Variants in FAM161B observed in about 807,000 individuals in gnomAD.
The protein encoded by FAM161B is FAM161 centrosomal protein B, also known as protein FAM161B.
A neutral mutation model predicts 61.5 loss-of-function variants in FAM161B; 46 were observed. That is an observed-to-expected ratio of 0.75 (90% CI 0.59 to 0.96). The LOEUF is 0.96. Among genes scored for constraint, FAM161B ranks in the 40% least tolerant of loss-of-function variants. The probability of loss-of-function intolerance (pLI) is 0.00; values close to 1 mark genes in which losing one functional copy is unlikely to be tolerated. For synonymous variants in FAM161B, 284 were observed against 302.7 expected (o/e 0.94, Z 0.64); for missense variants, 774 against 800.7 (o/e 0.97, Z 0.40).
At position 73,933,356 on chromosome 14, in the gene FAM161B, C is replaced by G. The variant is rs1173273757; in HGVS notation, c.*900G>C. On this transcript the variant is annotated 3_prime_UTR_variant, in exon 9 of 9. Transcript: ENST00000286544. Reference sequence around the variant, plus strand: ...ACATTCTACAATGTACAGGACAGTTCCCTTCCCCAACCCTCAACAAAGAAT... The same window carrying G: ...ACATTCTACAATGTACAGGACAGTTGCCTTCCCCAACCCTCAACAAAGAAT... 1 of 152,152 alleles carries G rather than the reference C, an allele frequency of 6.6e-6. No individual in the cohort carries two copies. The highest frequency in any genetic ancestry group is 6.6e-5 in the Admixed American group (1 of 15,264). 9.4% of individuals were successfully genotyped at this position (152,152 alleles called of 1,614,324 possible).
chr14:73,949,824 TA>T, intron 1 of FAM161B, 148 bp downstream of exon 1: 2 of 1,148,084 alleles, frequency 1.7e-6, no homozygotes, highest in Non-Finnish European at 2.4e-6. Flanking sequence ...TTCAGGTCTG[TA>T]AGTCAGAGTC....
At chr14:73,931,852 TCTGA>T, downstream of FAM161B, 1 of 438,184 alleles carries the variant, frequency 2.3e-6, no homozygotes, top group South Asian at 1.8e-5. Context: ...AGTTCTTCAT[TCTGA>T]CTGTTGAGGG....
At position 73,940,960 on chromosome 14, in the gene FAM161B, T is replaced by C. The variant is rs1403155649; in HGVS notation, c.1366A>G (p.Thr456Ala). The change falls in exon 5 of 9, where the codon ACA (threonine) becomes GCA (alanine). Residue 456 changes from threonine to alanine, a missense_variant. By Grantham distance (58) the Thr-to-Ala change is moderately conservative. Transcript: ENST00000286544. Reference sequence around the variant, plus strand: ...GATTCCCTCTTCCTGGTGGCATCTGTGATGTGCACAGGGAGAGTGTTGGCA... The same window carrying C: ...GATTCCCTCTTCCTGGTGGCATCTGCGATGTGCACAGGGAGAGTGTTGGCA... ...LSANTLPVHI[T>A]DATRKRESAV... 3.7e-6 allele frequency: 6 copies of C among 1,613,274 alleles called. No individual in the cohort carries two copies. The highest frequency in any genetic ancestry group is 5.1e-6 in the Non-Finnish European group (6 of 1,179,630).
rs776441232 is a variant in FAM161B, at chr14:73,942,604, G to A, written c.1037C>T (p.Thr346Ile). The change falls in exon 4 of 9, where the codon ACA (threonine) becomes ATA (isoleucine). Residue 346 changes from threonine (T) to isoleucine (I), a missense_variant. Transcript: ENST00000286544. ...CTTTTCCTGCTGGGTTCGGGTGGCTGTGCGGGGCTGTGGGTTAGCCCGGTT... is the reference window on the plus strand; with the variant it reads ...CTTTTCCTGCTGGGTTCGGGTGGCTATGCGGGGCTGTGGGTTAGCCCGGTT... ...SSNRANPQPR[T>I]ATRTQQEKLG... The A allele has an allele frequency of 1.2e-6, 2 of 1,614,232 alleles. No homozygotes were observed. The highest frequency in any genetic ancestry group is 1.7e-6 in the Non-Finnish European group (2 of 1,180,034).
At chr14:73,937,069 A>G (rs564940423) in intron 7 of FAM161B, among the ~76,000 whole-genome samples, 1,677 of 136,412 alleles carry the variant, frequency 0.012, 26 homozygotes, top group African/African-American at 0.044. Context: ...TCACACACAC[A>G]TACACATGCA....
chr14:73,935,080 A>G (rs1030326230), intron 8 of FAM161B, among the ~76,000 whole-genome samples: 3 of 150,508 alleles, frequency 2.0e-5, no homozygotes, highest in African/African-American at 4.9e-5. Context: ...AAGTCTCAAC[A>G]TTATTACTAT....
chr14:73,931,682 C>A, downstream of FAM161B: 1 of 732,266 alleles, frequency 1.4e-6, no homozygotes, highest in Non-Finnish European at 2.3e-6. Flanking sequence ...TTCCTCTTTC[C>A]TGGTATAGAA....
At chr14:73,949,530 TTTTTTA>T (rs2056107874) in intron 1 of FAM161B, among the ~76,000 whole-genome samples, 2 of 150,538 alleles carry the variant, frequency 1.3e-5, no homozygotes, top group African/African-American at 4.9e-5. Context: ...TTTTTTTTTT[TTTTTTA>T]AATTTTTAGA....
intron 5 of FAM161B, among the ~76,000 whole-genome samples, chr14:73,938,871 T>C (rs1449502491): frequency 6.6e-6 from 1 of 152,226 alleles, no homozygotes; most frequent in African/African-American, 2.4e-5. Flanking sequence ...GTAATTTACC[T>C]CAACTGCCAT....
At chr14:73,925,379 C>T in the FAM161B span, among the ~76,000 whole-genome samples, 1 of 151,004 alleles carries the variant, frequency 6.6e-6, no homozygotes, top group Non-Finnish European at 1.5e-5. Context: ...AAACCCACGT[C>T]GAAGTCGAAG....
At chr14:73,929,049 G>GAA, downstream of FAM161B, among the ~76,000 whole-genome samples, 1 of 152,284 alleles carries the variant, frequency 6.6e-6, no homozygotes, top group East Asian at 1.9e-4. Flanking sequence ...ACACAAAAGG[G>GAA]AAAGTGCTGT....
chr14:73,931,387 T>G (rs535189753), downstream of FAM161B: 47 of 852,174 alleles, frequency 5.5e-5, no homozygotes, highest in African/African-American at 6.3e-4. Context: ...GTAGATAGCC[T>G]TCATTCACCC....
At chr14:73,935,548 TAA>T (rs11421857) in intron 8 of FAM161B, among the ~76,000 whole-genome samples, 1 of 144,402 alleles carries the variant, frequency 6.9e-6, no homozygotes, top group African/African-American at 2.6e-5. Flanking sequence ...ATACAAAAAA[TAA>T]AAAAAAAAAG....
At chr14:73,932,008 C>A (rs1330752801), downstream of FAM161B, 1 of 456,518 alleles carries the variant, frequency 2.2e-6, no homozygotes, top group East Asian at 6.9e-5. Context: ...GGAGTGATGT[C>A]AATTCTCTTG....
chr14:73,934,685 G>A lies in FAM161B; in HGVS notation c.1806-291C>T, dbSNP rs567224375. 1.3e-4 allele frequency among the ~76,000 whole-genome samples: 19 copies of A among 151,542 alleles called. No individual in the cohort carries two copies. In the South Asian group the frequency reaches 3.1e-3, roughly 25 times the overall value. ...TGGTCTCAAACTCCTGGGCTCAAGCGATCCACCCACGTCAGCCTCTCAAAG... is the reference window on the plus strand; with the variant it reads ...TGGTCTCAAACTCCTGGGCTCAAGCAATCCACCCACGTCAGCCTCTCAAAG... On this transcript the variant is annotated intron_variant, in intron 8 of 8. Coordinates refer to ENST00000286544, the MANE Select transcript of FAM161B (RefSeq NM_152445.3).
intron 5 of FAM161B, 102 bp from the exon 6 acceptor site, chr14:73,938,214 T>G (rs1352517909): frequency 1.4e-6 from 2 of 1,390,364 alleles, no homozygotes; most frequent in Non-Finnish European, 2.0e-6. Context: ...GTCCTAGCAC[T>G]TTGGGAGGCC....
At chr14:73,926,380 C>CTTT in the FAM161B span, among the ~76,000 whole-genome samples, 21 of 151,190 alleles carry the variant, frequency 1.4e-4, no homozygotes, top group Middle Eastern at 3.4e-3. Context: ...TATAATAGTC[C>CTTT]TTTTTTTTCA....
chr14:73,929,189 G>A (rs182548840), downstream of FAM161B, among the ~76,000 whole-genome samples: 8 of 151,678 alleles, frequency 5.3e-5, no homozygotes, highest in African/African-American at 1.7e-4. Context: ...TCTCCTCCTC[G>A]TATCACAGGC....
Position 73,933,336 on chromosome 14 carries a change from C to T in FAM161B, c.*920G>A, listed in dbSNP as rs188680991. On this transcript the variant is annotated 3_prime_UTR_variant, in exon 9 of 9. Transcript: ENST00000286544. ...GTGGCCAGGGATGCTACTAAACATTCTACAATGTACAGGACAGTTCCCTTC... is the reference window on the plus strand; with the variant it reads ...GTGGCCAGGGATGCTACTAAACATTTTACAATGTACAGGACAGTTCCCTTC... 1.3e-5 allele frequency: 2 copies of T among 152,296 alleles called. No homozygotes were observed. Among genetic ancestry groups the T allele is most frequent in the Non-Finnish European group, 2.9e-5 (2 of 68,048 alleles). The allele number at this position is 152,296 out of a possible 1,614,324, so 9.4% of individuals were successfully genotyped here.
Sources: gnomAD v4.1 joint callset for allele counts (sites outside exome capture counted in the v4.1 genomes callset) on GRCh38, gnomAD v4.1.1 for gene constraint, MANE v1.5 for transcripts, NCBI Gene and HGNC (gene_info 2026-07-23, HGNC 2026-07-21) for gene names.